Variants in RAD51B observed in about 807,000 individuals in gnomAD.
RAD51B encodes the protein DNA repair protein RAD51 homolog 2.
A neutral mutation model predicts 42.2 loss-of-function variants in RAD51B; 38 were observed. The observed-to-expected ratio is 0.90, with a 90% confidence interval of 0.70 to 1.18. RAD51B has a LOEUF of 1.18. Among genes scored for constraint, RAD51B ranks in the 50% most tolerant of loss-of-function variants. The pLI is 0.00. For synonymous variants in RAD51B, 154 were observed against 145.2 expected, an observed-to-expected ratio of 1.06 and a Z score of -0.43; for missense variants, 373 against 400.7, an observed-to-expected ratio of 0.93 and a Z score of 0.59.
chr14:68,285,248 A>G (rs746612692), intron 7 of RAD51B, among the ~76,000 whole-genome samples: 1 of 152,232 alleles, frequency 6.6e-6, no homozygotes, highest in African/African-American at 2.4e-5. Context: ...CAGAGCCAGG[A>G]TTAAAACTTG....
chr14:68,309,727 G>A (rs1245426454), intron 8 of RAD51B, among the ~76,000 whole-genome samples: 1 of 152,176 alleles, frequency 6.6e-6, no homozygotes, highest in Non-Finnish European at 1.5e-5. Context: ...TTTTAATGCA[G>A]TGTTGTTTGC....
chr14:68,475,215 T>C (rs1346037428), intron 10 of RAD51B, among the ~76,000 whole-genome samples: 2 of 152,224 alleles, frequency 1.3e-5, no homozygotes, highest in Non-Finnish European at 2.9e-5. Context: ...GTCATTAATC[T>C]GGGTGGCCAT....
intron 7 of RAD51B, among the ~76,000 whole-genome samples, chr14:68,192,349 T>C (rs1479003577): frequency 6.6e-6 from 1 of 152,226 alleles, no homozygotes; most frequent in Non-Finnish European, 1.5e-5. Flanking sequence ...TCTTGTTTCA[T>C]TGTGAAAAGA....
chr14:68,551,348 C>G (rs888280899), intron 10 of RAD51B, among the ~76,000 whole-genome samples: 1 of 152,196 alleles, frequency 6.6e-6, no homozygotes, highest in African/African-American at 2.4e-5. Context: ...TCGCGTCCCT[C>G]GCAGGTTTGA....
chr14:68,501,843 C>T (rs1884943590), intron 10 of RAD51B, among the ~76,000 whole-genome samples: 2 of 152,240 alleles, frequency 1.3e-5, no homozygotes, highest in African/African-American at 2.4e-5. Context: ...GCTGTGACAT[C>T]GGCCACCACT....
At chr14:67,823,896 A>G (rs1024471846) in intron 2 of RAD51B, among the ~76,000 whole-genome samples, 2 of 152,352 alleles carry the variant, frequency 1.3e-5, no homozygotes, top group South Asian at 4.1e-4. Context: ...TTATAGTTAC[A>G]TGAGAAATAG....
At chr14:68,368,421 G>T (rs1161835952) in intron 8 of RAD51B, among the ~76,000 whole-genome samples, 1 of 152,164 alleles carries the variant, frequency 6.6e-6, no homozygotes, top group Non-Finnish European at 1.5e-5. Flanking sequence ...GAATTCTCTT[G>T]TATTTGTTTT....
intron 10 of RAD51B, among the ~76,000 whole-genome samples, chr14:68,626,584 G>A (rs1261750342): frequency 6.6e-6 from 1 of 152,238 alleles, no homozygotes; most frequent in Non-Finnish European, 1.5e-5. Flanking sequence ...AATGTTGGCT[G>A]AGAGCTCAGC....
intron 7 of RAD51B, among the ~76,000 whole-genome samples, chr14:67,899,470 T>G (rs1200832491): frequency 1.3e-5 from 2 of 152,244 alleles, no homozygotes; most frequent in African/African-American, 2.4e-5. Flanking sequence ...GAGAGAAAAG[T>G]ATGTATGGCT....
At chr14:68,405,372 A>T (rs1299581888) in intron 8 of RAD51B, among the ~76,000 whole-genome samples, 2 of 152,150 alleles carry the variant, frequency 1.3e-5, no homozygotes, top group African/African-American at 4.8e-5. Flanking sequence ...TGAGCATGGG[A>T]ATTCAAGGTT....
intron 7 of RAD51B, among the ~76,000 whole-genome samples, chr14:68,124,070 G>C (rs1185872894): frequency 6.6e-6 from 1 of 152,048 alleles, no homozygotes; most frequent in African/African-American, 2.4e-5. Context: ...ATTGATGTGT[G>C]GGGGAATGGA....
intron 7 of RAD51B, among the ~76,000 whole-genome samples, chr14:68,137,186 G>C (rs968025902): frequency 6.6e-6 from 1 of 152,162 alleles, no homozygotes; most frequent in African/African-American, 2.4e-5. Context: ...TGAGGCAGGA[G>C]AATCACATGA....
chr14:68,418,155 T>C (rs1258216176), intron 9 of RAD51B, among the ~76,000 whole-genome samples: 1 of 152,242 alleles, frequency 6.6e-6, no homozygotes, highest in Non-Finnish European at 1.5e-5. Context: ...TTATCAAATA[T>C]AGTTACAAAA....
At chr14:67,979,010 G>A in intron 7 of RAD51B, among the ~76,000 whole-genome samples, 1 of 152,152 alleles carries the variant, frequency 6.6e-6, no homozygotes, top group Non-Finnish European at 1.5e-5. Context: ...ATGTGAAAAT[G>A]CTTCCATATG....
intron 10 of RAD51B, among the ~76,000 whole-genome samples, chr14:68,556,870 AC>A (rs1487867995): frequency 3.3e-5 from 5 of 151,582 alleles, no homozygotes; most frequent in Non-Finnish European, 7.4e-5. Flanking sequence ...CTACCACCCC[AC>A]CCCACCTTCT....
chr14:68,258,532 A>G (rs1170761495), intron 7 of RAD51B, among the ~76,000 whole-genome samples: 1 of 152,058 alleles, frequency 6.6e-6, no homozygotes, highest in Non-Finnish European at 1.5e-5. Flanking sequence ...AACTAGTAAT[A>G]TGTTAGTGTA....
At chr14:68,066,545 A>T (rs7141309) in intron 7 of RAD51B, among the ~76,000 whole-genome samples, 39 of 152,320 alleles carry the variant, frequency 2.6e-4, no homozygotes, top group African/African-American at 8.7e-4. Context: ...GAAATCTACG[A>T]AAGTATTAAT....
At chr14:67,889,414 A>G (rs2043153138) in intron 7 of RAD51B, among the ~76,000 whole-genome samples, 1 of 150,714 alleles carries the variant, frequency 6.6e-6, no homozygotes, top group South Asian at 2.1e-4. Flanking sequence ...AATTATGTCA[A>G]TTTAATATGT....
At chr14:68,126,936 C>T (rs1269088649) in intron 7 of RAD51B, among the ~76,000 whole-genome samples, 1 of 152,178 alleles carries the variant, frequency 6.6e-6, no homozygotes. Flanking sequence ...AGCACCTCTT[C>T]AGAACTGAAA....
Sources: allele counts gnomAD v4.1 joint callset (sites outside exome capture counted in the v4.1 genomes callset), GRCh38; gene constraint gnomAD v4.1.1; transcripts MANE v1.5; gene names NCBI Gene and HGNC (gene_info 2026-07-23, HGNC 2026-07-21).